MAD1L1: variants seen among roughly 807,000 people sequenced by gnomAD.
The protein encoded by MAD1L1 is mitotic spindle assembly checkpoint protein MAD1.
A neutral mutation model predicts 96.9 loss-of-function variants in MAD1L1; 95 were observed. That is an observed-to-expected ratio of 0.98 (90% CI 0.83 to 1.16). MAD1L1 has a LOEUF of 1.16. Ranked by LOEUF, MAD1L1 falls within the 50% of genes most tolerant of loss-of-function variation. The probability of loss-of-function intolerance (pLI) is 0.00; values close to 1 mark genes in which losing one functional copy is unlikely to be tolerated. For missense variants in MAD1L1, 1,007 were observed against 954.4 expected (o/e 1.06, Z -0.73); for synonymous variants, 473 against 396.6 (o/e 1.19, Z -2.29).
At chr7:2,052,709 G>T (rs183420793) in intron 12 of MAD1L1, among the ~76,000 whole-genome samples, 1 of 152,216 alleles carries the variant, frequency 6.6e-6, no homozygotes, top group Non-Finnish European at 1.5e-5. Context: ...TTTTTATAAA[G>T]GGGTACACCA....
At chr7:1,855,095 C>T (rs1210438583) in intron 18 of MAD1L1, among the ~76,000 whole-genome samples, 1 of 152,198 alleles carries the variant, frequency 6.6e-6, no homozygotes, top group Non-Finnish European at 1.5e-5. Flanking sequence ...GTCACCCTTC[C>T]TCTGCGGTGA....
At chr7:2,126,007 T>TCC (rs1788214666) in intron 11 of MAD1L1, among the ~76,000 whole-genome samples, 1 of 151,990 alleles carries the variant, frequency 6.6e-6, no homozygotes, top group Non-Finnish European at 1.5e-5. Flanking sequence ...TGGAGAGGGG[T>TCC]CATCTTCCAT....
intron 11 of MAD1L1, among the ~76,000 whole-genome samples, chr7:2,079,504 C>T (rs992727915): frequency 6.6e-6 from 1 of 152,252 alleles, no homozygotes; most frequent in Non-Finnish European, 1.5e-5. Context: ...CCGACTCTGC[C>T]TCTGATGAAC....
At position 2,181,832 on chromosome 7, in the gene MAD1L1, T is replaced by C. The variant is rs566492956; in HGVS notation, c.986+31380A>G. Among the ~76,000 whole-genome samples, 6 of 151,146 alleles carry C rather than the reference T, an allele frequency of 4.0e-5. No homozygotes were observed. In the East Asian group the frequency reaches 7.7e-4, roughly 19 times the overall value. ...GGTCTCTATATATATATATATATCA[T>C]AGAATACTACTCAGCCATAAAAAGG... is the stretch of plus-strand genomic sequence containing the variant. On this transcript the variant is annotated intron_variant, in intron 10 of 18. Transcript: ENST00000265854.
rs1779408124 is a variant in MAD1L1, at chr7:1,949,871, TC to T, written c.1596+7757del. On this transcript the variant is annotated intron_variant, in intron 16 of 18. Coordinates refer to ENST00000265854, the MANE Select transcript of MAD1L1 (RefSeq NM_001013836.2). Reference sequence around the variant, plus strand: ...TGCTTCCCAGAGGAGGCCCCGGGCCTCCAAGAGGCTGCAGACATGCTCAGGG... The same window carrying T: ...TGCTTCCCAGAGGAGGCCCCGGGCCTCAAGAGGCTGCAGACATGCTCAGGG... 2.0e-5 allele frequency among the ~76,000 whole-genome samples: 3 copies of T among 152,240 alleles called. No individual in the cohort carries two copies. In the South Asian group the frequency reaches 6.2e-4, roughly 32 times the overall value.
At chr7:2,161,853 G>A (rs1790152512) in intron 10 of MAD1L1, among the ~76,000 whole-genome samples, 1 of 151,918 alleles carries the variant, frequency 6.6e-6, no homozygotes, top group African/African-American at 2.4e-5. Flanking sequence ...GGGAAGTGAG[G>A]AGCCCCTCTG....
intron 18 of MAD1L1, among the ~76,000 whole-genome samples, chr7:1,891,263 C>T (rs1371796009): frequency 2.0e-5 from 3 of 151,958 alleles, no homozygotes; most frequent in Admixed American, 1.3e-4. Flanking sequence ...CGGTGGCTCA[C>T]GCCTGTAATC....
chr7:2,227,166 C>T (rs988033785), intron 3 of MAD1L1, among the ~76,000 whole-genome samples: 3 of 151,462 alleles, frequency 2.0e-5, no homozygotes, highest in African/African-American at 7.3e-5. Flanking sequence ...GTGGTGGTAA[C>T]GCACCTGTAA....
At chr7:1,907,667 G>A (rs755396029) in intron 17 of MAD1L1, among the ~76,000 whole-genome samples, 2 of 152,230 alleles carry the variant, frequency 1.3e-5, no homozygotes, top group African/African-American at 2.4e-5. Flanking sequence ...CCCTGGGTGT[G>A]GCAGGAGTGG....
chr7:1,945,901 C>T (rs1779208845), intron 16 of MAD1L1, among the ~76,000 whole-genome samples: 1 of 152,184 alleles, frequency 6.6e-6, no homozygotes, highest in South Asian at 2.1e-4. Flanking sequence ...AGATGAGGCA[C>T]AGGCCAGTGC....
At chr7:2,167,854 G>A (rs1790514803) in intron 10 of MAD1L1, among the ~76,000 whole-genome samples, 1 of 152,128 alleles carries the variant, frequency 6.6e-6, no homozygotes, top group South Asian at 2.1e-4. Flanking sequence ...GGGCAACATG[G>A]CAAGACTCTG....
chr7:1,998,146 C>G (rs780191439), intron 14 of MAD1L1, among the ~76,000 whole-genome samples: 1 of 152,222 alleles, frequency 6.6e-6, no homozygotes, highest in Non-Finnish European at 1.5e-5. Flanking sequence ...GCGCACCTCA[C>G]AGCCCCCTGA....
chr7:2,072,981 C>A (rs1218494095), intron 11 of MAD1L1, among the ~76,000 whole-genome samples: 1 of 152,250 alleles, frequency 6.6e-6, no homozygotes, highest in African/African-American at 2.4e-5. Context: ...AGAGCCCAGG[C>A]TCCCGGCACT....
chr7:1,949,742 T>C (rs1002056989), intron 16 of MAD1L1, among the ~76,000 whole-genome samples: 17 of 152,196 alleles, frequency 1.1e-4, no homozygotes, highest in Admixed American at 7.9e-4. Flanking sequence ...TTGGACGCAG[T>C]GCCTGCAGCA....
At chr7:2,050,461 G>A (rs2128517225) in intron 12 of MAD1L1, among the ~76,000 whole-genome samples, 2 of 152,366 alleles carry the variant, frequency 1.3e-5, no homozygotes, top group East Asian at 3.9e-4. Flanking sequence ...TCTGGCTGGT[G>A]TCAGGCTGTG....
rs746771722 is a variant in MAD1L1, at chr7:2,069,320, C to A, written c.1092G>T (p.Lys364Asn). The change falls in exon 12 of 19, where the codon AAG (lysine) becomes AAT (asparagine). Residue 364 changes from lysine to asparagine, a missense_variant. Lys to Asn is a moderately conservative substitution (Grantham distance 94, BLOSUM62 0). Transcript: ENST00000265854. ...AVTSSARGLE[K>N]ARQQLQEELR... The stretch of plus-strand genomic sequence containing the variant: ...GCTCCTCCTGCAGCTGCTGCCTGGC[C>A]TTCTCCAGCCCCCGGGCGCTGCATG... 25 of 1,603,778 alleles carry A rather than the reference C, an allele frequency of 1.6e-5. No homozygotes were observed. The Admixed American group carries it at 2.5e-4, about 16-fold the overall frequency.
intron 18 of MAD1L1, among the ~76,000 whole-genome samples, chr7:1,860,049 T>C (rs1039427361): frequency 1.4e-5 from 2 of 147,334 alleles, no homozygotes; most frequent in South Asian, 2.2e-4. Context: ...TCTGTGTCCC[T>C]AGACCTGACA....
chr7:2,173,620 G>T (rs1334977055), intron 10 of MAD1L1, among the ~76,000 whole-genome samples: 1 of 152,094 alleles, frequency 6.6e-6, no homozygotes, highest in Non-Finnish European at 1.5e-5. Flanking sequence ...AGACTTTCTC[G>T]GCACCACTTC....
intron 11 of MAD1L1, among the ~76,000 whole-genome samples, chr7:2,127,632 C>T (rs1788294926): frequency 6.6e-6 from 1 of 152,064 alleles, no homozygotes; most frequent in Admixed American, 6.6e-5. Context: ...AGGAGGAGAC[C>T]CACAGGAACC....
Sources: gnomAD v4.1 joint callset for allele counts (sites outside exome capture counted in the v4.1 genomes callset) on GRCh38, gnomAD v4.1.1 for gene constraint, MANE v1.5 for transcripts, NCBI Gene and HGNC (gene_info 2026-07-23, HGNC 2026-07-21) for gene names.